ADARB2: variants seen among roughly 807,000 people sequenced by gnomAD.
ADARB2 encodes the protein inactive double-stranded RNA-specific editase B2.
ADARB2 carries 25 observed loss-of-function variants against 62.2 expected under a neutral mutation model. The observed-to-expected ratio is 0.40, with a 90% CI of 0.29 to 0.56. The LOEUF is 0.56. Ranked by LOEUF, ADARB2 falls within the 20% of genes least tolerant of loss-of-function variation. The pLI is 0.43. For missense variants in ADARB2, 1,071 were observed against 1,077.4 expected, an observed-to-expected ratio of 0.99 and a Z score of 0.08; for synonymous variants, 572 against 500.8, an observed-to-expected ratio of 1.14 and a Z score of -1.90.
At chr10:1,485,484 C>T (rs1831528160) in intron 1 of ADARB2, among the ~76,000 whole-genome samples, 1 of 152,090 alleles carries the variant, frequency 6.6e-6, no homozygotes, top group South Asian at 2.1e-4. Context: ...CACCACGCAG[C>T]TCCGCACGCA....
intron 1 of ADARB2, among the ~76,000 whole-genome samples, chr10:1,450,967 A>G (rs1246758873): frequency 6.6e-6 from 1 of 152,178 alleles, no homozygotes; most frequent in Non-Finnish European, 1.5e-5. Context: ...GCTCCTGCGA[A>G]TAGGCACAGC....
At chr10:1,322,078 T>C (rs928557770) in intron 3 of ADARB2, among the ~76,000 whole-genome samples, 4 of 151,898 alleles carry the variant, frequency 2.6e-5, no homozygotes, top group African/African-American at 9.7e-5. Flanking sequence ...CACCAGTTGG[T>C]ACCTGGTGAT....
At chr10:1,207,764 T>C (rs1361915824) in intron 7 of ADARB2, among the ~76,000 whole-genome samples, 2 of 152,254 alleles carry the variant, frequency 1.3e-5, no homozygotes, top group Non-Finnish European at 2.9e-5. Flanking sequence ...ATAATCAAGC[T>C]CAGGTACTTA....
intron 3 of ADARB2, chr10:1,290,280 C>T (rs1479614990): frequency 6.6e-6 from 1 of 152,254 alleles, no homozygotes; most frequent in African/African-American, 2.4e-5. Flanking sequence ...TTGTCCAGCT[C>T]ACGGGCACCT....
intron 1 of ADARB2, among the ~76,000 whole-genome samples, chr10:1,712,053 A>G (rs1834954409): frequency 6.6e-6 from 1 of 152,244 alleles, no homozygotes; most frequent in Non-Finnish European, 1.5e-5. Flanking sequence ...TACTCAAAAT[A>G]CACCCAGTAA....
intron 7 of ADARB2, among the ~76,000 whole-genome samples, chr10:1,205,389 C>T (rs962013209): frequency 1.9e-5 from 2 of 103,492 alleles, no homozygotes; most frequent in Non-Finnish European, 4.7e-5. Flanking sequence ...CACGGGAGCC[C>T]GTGGCACAGC....
intron 1 of ADARB2, among the ~76,000 whole-genome samples, chr10:1,565,186 A>T (rs1019659821): frequency 2.6e-5 from 4 of 152,204 alleles, no homozygotes; most frequent in Non-Finnish European, 5.9e-5. Flanking sequence ...AATTTGCCCC[A>T]TGATCATCTG....
In ADARB2 at chr10:1,345,256, T is replaced by G. The variant is rs528763772; in HGVS notation, c.1077+17772A>C. Among the ~76,000 whole-genome samples, 5 of 152,276 alleles carry G rather than the reference T, an allele frequency of 3.3e-5. No individual in the cohort carries two copies. In the East Asian group the frequency reaches 9.7e-4, roughly 29 times the overall value. ...GGGCTGGACTGCACAGTCCAGGGACTCTTTCATGGGCCAATGCCCTCTGAC... is the reference window on the plus strand; with the variant it reads ...GGGCTGGACTGCACAGTCCAGGGACGCTTTCATGGGCCAATGCCCTCTGAC... On this transcript the variant is annotated intron_variant, in intron 3 of 9. Coordinates refer to ENST00000381312, the MANE Select transcript of ADARB2 (RefSeq NM_018702.4).
chr10:1,371,108 C>A (rs1225143701), intron 2 of ADARB2, among the ~76,000 whole-genome samples: 1 of 152,086 alleles, frequency 6.6e-6, no homozygotes, highest in Non-Finnish European at 1.5e-5. Flanking sequence ...GACACATAGA[C>A]CCACGGAACA....
chr10:1,484,005 C>G (rs1831513234), intron 1 of ADARB2, among the ~76,000 whole-genome samples: 1 of 152,150 alleles, frequency 6.6e-6, no homozygotes, highest in Non-Finnish European at 1.5e-5. Context: ...TTGAATCTGT[C>G]TCTCCCCATT....
chr10:1,591,277 T>C (rs59231667), intron 1 of ADARB2, among the ~76,000 whole-genome samples: 12,441 of 152,186 alleles, frequency 0.082, 1,627 homozygotes, highest in African/African-American at 0.27. Flanking sequence ...TCGGCCACAC[T>C]GCAGGGCTGC....
At chr10:1,588,706 G>A (rs1006434906) in intron 1 of ADARB2, among the ~76,000 whole-genome samples, 4 of 152,204 alleles carry the variant, frequency 2.6e-5, no homozygotes, top group Non-Finnish European at 5.9e-5. Flanking sequence ...AAGACAGCCC[G>A]ACCCTGGATG....
At chr10:1,298,753 T>C in intron 3 of ADARB2, among the ~76,000 whole-genome samples, 2 of 41,140 alleles carry the variant, frequency 4.9e-5, no homozygotes, top group Non-Finnish European at 1.3e-4. Flanking sequence ...TTTTTTTTTT[T>C]TTTTTTTTTT....
At chr10:1,201,104 T>C (rs11250326) in intron 7 of ADARB2, among the ~76,000 whole-genome samples, 29,334 of 152,274 alleles carry the variant, frequency 0.19, 3,195 homozygotes, top group East Asian at 0.28. Flanking sequence ...TAAAAAGTTC[T>C]CTTTAAATTT....
chr10:1,342,653 C>T (rs1268236585), intron 3 of ADARB2, among the ~76,000 whole-genome samples: 1 of 152,196 alleles, frequency 6.6e-6, no homozygotes, highest in Non-Finnish European at 1.5e-5. Flanking sequence ...CACTTGAGGA[C>T]ATCAGCAGCA....
chr10:1,471,494 G>A (rs1028241201), intron 1 of ADARB2, among the ~76,000 whole-genome samples: 3 of 152,088 alleles, frequency 2.0e-5, no homozygotes, highest in South Asian at 2.1e-4. Context: ...AGGTTCAAGC[G>A]CTTCTCCTGC....
intron 1 of ADARB2, among the ~76,000 whole-genome samples, chr10:1,727,414 G>C (rs1365076435): frequency 6.6e-6 from 1 of 152,186 alleles, no homozygotes; most frequent in African/African-American, 2.4e-5. Context: ...AAAGACGACA[G>C]CTCAGCCCAT....
At chr10:1,487,727 T>G (rs1831561587) in intron 1 of ADARB2, among the ~76,000 whole-genome samples, 1 of 152,192 alleles carries the variant, frequency 6.6e-6, no homozygotes, top group Admixed American at 6.5e-5. Flanking sequence ...AAGATGTTTG[T>G]TTTGCAATTT....
chr10:1,337,199 G>A (rs113359475), intron 3 of ADARB2, among the ~76,000 whole-genome samples: 3,807 of 152,122 alleles, frequency 0.025, 86 homozygotes, highest in East Asian at 0.11. Flanking sequence ...GTGTATGTGT[G>A]CACTTGCCTC....
Sources: allele counts gnomAD v4.1 joint callset (sites outside exome capture counted in the v4.1 genomes callset), GRCh38; gene constraint gnomAD v4.1.1; transcripts MANE v1.5; gene names NCBI Gene and HGNC (gene_info 2026-07-23, HGNC 2026-07-21).